The following HIVEP1 variants were observed in gnomAD, a reference collection of about 807,000 sequenced individuals.
HIVEP1 encodes HIVEP zinc finger 1.
HIVEP1 carries 36 observed loss-of-function variants against 180.0 expected under a neutral mutation model. That is an observed-to-expected ratio of 0.20 (90% confidence interval 0.15 to 0.26). HIVEP1 has a LOEUF of 0.26. Among genes scored for constraint, HIVEP1 ranks in the 10% least tolerant of loss-of-function variants. The pLI is 1.00. For missense variants in HIVEP1, 3,143 were observed against 3,268.7 expected (o/e 0.96, Z 0.94); for synonymous variants, 1,239 against 1,239.0 (o/e 1.00, Z 0.00).
At chr6:12,053,663 GA>G (rs1770677478) in intron 2 of HIVEP1, among the ~76,000 whole-genome samples, 1 of 152,096 alleles carries the variant, frequency 6.6e-6, no homozygotes, top group African/African-American at 2.4e-5. Flanking sequence ...GGGATAGGGG[GA>G]TGCTCTGTTG....
chr6:12,180,502 T>C, the HIVEP1 span, among the ~76,000 whole-genome samples: 31 of 152,306 alleles, frequency 2.0e-4, no homozygotes, highest in East Asian at 5.8e-3. Context: ...CACCTACGGA[T>C]TTGCTCTAAT....
At chr6:12,167,652 T>C (rs55681520), downstream of HIVEP1, among the ~76,000 whole-genome samples, 2,067 of 15,980 alleles carry the variant, frequency 0.13, 316 homozygotes, top group Non-Finnish European at 0.17. Context: ...TATACATATA[T>C]ATGTTATATA....
chr6:12,108,901 G>A (rs931627003), intron 3 of HIVEP1, among the ~76,000 whole-genome samples: 11 of 152,250 alleles, frequency 7.2e-5, no homozygotes, highest in Admixed American at 3.3e-4. Flanking sequence ...GGCAGAGGAG[G>A]CGCCGAGAGG....
At chr6:12,110,360 CA>C (rs1231221470) in intron 3 of HIVEP1, among the ~76,000 whole-genome samples, 1 of 152,216 alleles carries the variant, frequency 6.6e-6, no homozygotes, top group Non-Finnish European at 1.5e-5. Context: ...CATCTTCTTC[CA>C]ATAGAAGGCT....
chr6:12,136,492 T>G (rs1398559752), intron 7 of HIVEP1, among the ~76,000 whole-genome samples: 2 of 152,198 alleles, frequency 1.3e-5, no homozygotes, highest in African/African-American at 4.8e-5. Context: ...ACTCCTCTAG[T>G]ATTTTACAAT....
chr6:12,133,839 G>A (rs1421812854), intron 6 of HIVEP1, among the ~76,000 whole-genome samples: 3 of 152,184 alleles, frequency 2.0e-5, no homozygotes, highest in East Asian at 1.9e-4. Context: ...TTAGCCTGGC[G>A]CAGTGGCAGG....
At chr6:12,134,710 T>C (rs564314406) in intron 6 of HIVEP1, among the ~76,000 whole-genome samples, 7 of 152,354 alleles carry the variant, frequency 4.6e-5, no homozygotes, top group Non-Finnish European at 8.8e-5. Context: ...ATGCTTGTTA[T>C]CCTCAGAAGA....
chr6:12,176,789 C>T, the HIVEP1 span, among the ~76,000 whole-genome samples: 17 of 152,162 alleles, frequency 1.1e-4, no homozygotes, highest in African/African-American at 3.9e-4. Context: ...AGATTGTTTA[C>T]TCTGTTGATA....
At chr6:12,191,841 C>G in the HIVEP1 span, among the ~76,000 whole-genome samples, 1 of 152,188 alleles carries the variant, frequency 6.6e-6, no homozygotes, top group Non-Finnish European at 1.5e-5. Flanking sequence ...CAATAGAGAT[C>G]ATTTTGGCCT....
At chr6:12,087,609 G>A (rs1246439234) in intron 2 of HIVEP1, among the ~76,000 whole-genome samples, 2 of 151,924 alleles carry the variant, frequency 1.3e-5, no homozygotes, top group Non-Finnish European at 2.9e-5. Flanking sequence ...CATGTATTTC[G>A]TTTTTTAAAA....
At chr6:12,168,225 T>TACA (rs371343189), downstream of HIVEP1, among the ~76,000 whole-genome samples, 34,439 of 100,716 alleles carry the variant, frequency 0.34, 7,952 homozygotes, top group Non-Finnish European at 0.41. Flanking sequence ...TATACATATA[T>TACA]TATATACATA....
chr6:12,076,844 G>T (rs1260608595), intron 2 of HIVEP1, among the ~76,000 whole-genome samples: 2 of 152,134 alleles, frequency 1.3e-5, no homozygotes, highest in Non-Finnish European at 1.5e-5. Context: ...CCAAATTTCT[G>T]ATTGGGGCTG....
chr6:12,073,613 A>G (rs1025683921), intron 2 of HIVEP1, among the ~76,000 whole-genome samples: 14 of 152,296 alleles, frequency 9.2e-5, no homozygotes, highest in Non-Finnish European at 1.3e-4. Context: ...TTAAGGGTCA[A>G]CACATCTAGT....
chr6:12,086,516 A>G (rs1773134550), intron 2 of HIVEP1, among the ~76,000 whole-genome samples: 1 of 152,122 alleles, frequency 6.6e-6, no homozygotes, highest in Non-Finnish European at 1.5e-5. Flanking sequence ...GATGTCTTAG[A>G]GTCTAACATG....
In HIVEP1 at chr6:12,161,835, C is replaced by G. The variant is rs142530679; in HGVS notation, c.6884C>G (p.Ser2295Cys). 1.2e-6 allele frequency: 2 copies of G among 1,613,964 alleles called. No individual in the cohort carries two copies. Among genetic ancestry groups the G allele is most frequent in the East Asian group, 2.2e-5 (1 of 44,892 alleles). Residue 2295 changes from serine to cysteine, a missense_variant, in exon 8 of 9, where the codon TCC becomes TGC. Transcript: ENST00000379388. ...GACACAATTCCGTCTGTAGACACTT[C>G]CAGGTCCCCGTGTCATCAGATGTCT... ...ENDTIPSVDT[S>C]RSPCHQMSVD... is the part of the protein sequence containing the mutation.
intron 3 of HIVEP1, among the ~76,000 whole-genome samples, chr6:12,112,540 C>T (rs1028441363): frequency 1.6e-4 from 25 of 152,162 alleles, no homozygotes; most frequent in African/African-American, 5.8e-4. Context: ...TGTATTTCTA[C>T]TACCCTGTTT....
At chr6:12,087,712 G>A (rs1773198718) in intron 2 of HIVEP1, among the ~76,000 whole-genome samples, 1 of 152,038 alleles carries the variant, frequency 6.6e-6, no homozygotes, top group South Asian at 2.1e-4. Flanking sequence ...CTACCACTGA[G>A]CACAGGATCC....
At chr6:12,152,048 C>T (rs949334137) in intron 7 of HIVEP1, among the ~76,000 whole-genome samples, 4 of 152,082 alleles carry the variant, frequency 2.6e-5, no homozygotes, top group Middle Eastern at 3.4e-3. Flanking sequence ...CCCAGCTACT[C>T]GGGAGGCTGA....
rs775990412 is a variant in HIVEP1 at position 12,122,884 on chromosome 6, A to G, written c.3089A>G (p.Lys1030Arg). The G allele has an allele frequency of 6.2e-7, 1 of 1,614,008 alleles. No individual in the cohort carries two copies. Among genetic ancestry groups the G allele is most frequent in the Non-Finnish European group, 8.5e-7 (1 of 1,180,018 alleles). ...GIWEQTPQIR[K>R]RRKMKSVGDD... ...TGGGAACAGACGCCCCAGATAAGAAAAAGGAGGAAAATGAAAAGTGTTGGG... is the reference window on the plus strand; with the variant it reads ...TGGGAACAGACGCCCCAGATAAGAAGAAGGAGGAAAATGAAAAGTGTTGGG... The change falls in exon 4 of 9, where the codon AAA (lysine) becomes AGA (arginine). Residue 1030 changes from lysine (K) to arginine (R), a missense_variant. Lys to Arg is a conservative substitution (Grantham distance 26). Transcript: ENST00000379388.
Sources: gnomAD v4.1 joint callset for allele counts (sites outside exome capture counted in the v4.1 genomes callset) on GRCh38, gnomAD v4.1.1 for gene constraint, MANE v1.5 for transcripts, NCBI Gene and HGNC (gene_info 2026-07-23, HGNC 2026-07-21) for gene names.